The following ARID1B variants were observed in gnomAD, a reference collection of about 807,000 sequenced individuals.
ARID1B encodes AT-rich interaction domain 1B.
ARID1B carries 30 observed loss-of-function variants against 212.3 expected under a neutral mutation model. The ratio of observed to expected loss-of-function variants is 0.14; its 90% CI spans 0.11 to 0.19. The LOEUF is 0.19. ARID1B is among the 10% of genes least tolerant of loss of function. ARID1B has a pLI of 1.00. For missense variants in ARID1B, 2,891 were observed against 3,204.0 expected, an observed-to-expected ratio of 0.90 and a Z score of 2.36; for synonymous variants, 1,402 against 1,301.7, an observed-to-expected ratio of 1.08 and a Z score of -1.66.
chr6:156,848,619 C>A (rs995741030), intron 2 of ARID1B, among the ~76,000 whole-genome samples: 1 of 152,204 alleles, frequency 6.6e-6, no homozygotes, highest in Non-Finnish European at 1.5e-5. Flanking sequence ...GGTTGTTATT[C>A]TTCTCTGTGC....
intron 3 of ARID1B, among the ~76,000 whole-genome samples, chr6:156,925,015 A>T (rs1397240096): frequency 6.6e-6 from 1 of 152,182 alleles, no homozygotes; most frequent in Admixed American, 6.5e-5. Flanking sequence ...TTTAGGAAGA[A>T]GTCTTATGAA....
At chr6:157,065,265 T>A (rs1783597067) in intron 4 of ARID1B, among the ~76,000 whole-genome samples, 1 of 152,228 alleles carries the variant, frequency 6.6e-6, no homozygotes, top group Non-Finnish European at 1.5e-5. Flanking sequence ...GTGATACTAC[T>A]GAAGATAGTA....
intron 4 of ARID1B, among the ~76,000 whole-genome samples, chr6:157,048,932 G>A (rs943427713): frequency 2.6e-5 from 4 of 152,106 alleles, no homozygotes; most frequent in African/African-American, 9.7e-5. Context: ...CCAGCACTTT[G>A]GGAGACTGAG....
Position 156,984,418 on chromosome 6 carries a change from A to G in ARID1B, c.2247+48842A>G, listed in dbSNP as rs116808685. On this transcript the variant is annotated intron_variant, in intron 4 of 19. Coordinates refer to ENST00000636930, the MANE Select transcript of ARID1B (RefSeq NM_001374828.1). ...TCTTTTAAGGTACCAGAATACTGGGAAAAAAAGGGCGTTCTGGATAAGTGA... is the reference window on the plus strand; with the variant it reads ...TCTTTTAAGGTACCAGAATACTGGGGAAAAAAGGGCGTTCTGGATAAGTGA... Among the ~76,000 whole-genome samples, 754 of 152,236 alleles carry G rather than the reference A, an allele frequency of 5.0e-3. 7 individuals are homozygous for G. The highest frequency in any genetic ancestry group is 0.016 in the African/African-American group (656 of 41,538).
At chr6:156,873,136 G>A (rs2128149380) in intron 2 of ARID1B, among the ~76,000 whole-genome samples, 1 of 152,304 alleles carries the variant, frequency 6.6e-6, no homozygotes, top group Non-Finnish European at 1.5e-5. Flanking sequence ...TCTGCTCCTG[G>A]CACCTTGCAT....
rs1004295523 is a variant in ARID1B at position 156,837,700 on chromosome 6, A to G, written c.1986+8279A>G. Among the ~76,000 whole-genome samples the G allele has an allele frequency of 7.9e-5, 12 of 152,328 alleles. No individual in the cohort carries two copies. The South Asian group carries it at 1.4e-3, about 18-fold the overall frequency. ...ATCTGTAGTTGTGAATGAAATTAAG[A>G]AAACTCTTAAGCTGAGAGGGTGCAG... On this transcript the variant is annotated intron_variant, in intron 2 of 19. Coordinates refer to ENST00000636930, the MANE Select transcript of ARID1B (RefSeq NM_001374828.1).
chr6:157,006,163 G>A (rs1779242337), intron 4 of ARID1B, among the ~76,000 whole-genome samples: 1 of 152,140 alleles, frequency 6.6e-6, no homozygotes, highest in African/African-American at 2.4e-5. Context: ...TTACCTCAGG[G>A]AACTAAGATC....
chr6:156,875,599 C>T (rs1013609043), intron 2 of ARID1B, among the ~76,000 whole-genome samples: 1 of 152,200 alleles, frequency 6.6e-6, no homozygotes, highest in Non-Finnish European at 1.5e-5. Flanking sequence ...TTCTCCCTGC[C>T]AGCTTCTCCT....
chr6:156,851,375 G>T (rs558411037), intron 2 of ARID1B, among the ~76,000 whole-genome samples: 2 of 152,174 alleles, frequency 1.3e-5, no homozygotes, highest in Non-Finnish European at 2.9e-5. Context: ...ATGTTTAATT[G>T]TATATTTAGG....
In ARID1B at chr6:157,201,559, T is replaced by C. The variant is rs752549263; in HGVS notation, c.5263+71T>C. On this transcript the variant is annotated intron_variant, in intron 18 of 19. Coordinates refer to ENST00000636930, the MANE Select transcript of ARID1B (RefSeq NM_001374828.1). The surrounding 1 kb of genome is among the most constrained non-coding windows in gnomAD (Gnocchi z 5.2). ...TGTAGAATTTTAATTTTAGTAAAGA[T>C]GCTGTTCCTGCTCATCTTAAAGGGA... is the stretch of plus-strand genomic sequence containing the variant. 24 of 1,446,832 alleles carry C rather than the reference T, an allele frequency of 1.7e-5. No individual in the cohort carries two copies. Among genetic ancestry groups the C allele is most frequent in the Non-Finnish European group, 2.2e-5 (24 of 1,089,598 alleles). 89.6% of individuals were successfully genotyped at this position (1,446,832 alleles called of 1,614,324 possible).
intron 1 of ARID1B, among the ~76,000 whole-genome samples, chr6:156,799,829 T>G (rs1233499029): frequency 6.6e-6 from 1 of 152,164 alleles, no homozygotes; most frequent in Non-Finnish European, 1.5e-5. Flanking sequence ...TGAAAGATCT[T>G]CCTTTCCCTC....
chr6:156,800,776 G>A (rs920198761), intron 1 of ARID1B, among the ~76,000 whole-genome samples: 1 of 151,992 alleles, frequency 6.6e-6, no homozygotes, highest in East Asian at 1.9e-4. Context: ...GCATGGTGGT[G>A]TGTGCCTGTA....
At chr6:156,816,050 A>G (rs924318725) in intron 1 of ARID1B, among the ~76,000 whole-genome samples, 1 of 152,202 alleles carries the variant, frequency 6.6e-6, no homozygotes, top group Admixed American at 6.5e-5. Context: ...ATACACATTT[A>G]CCATTCTTAA....
intron 8 of ARID1B, among the ~76,000 whole-genome samples, chr6:157,165,332 C>T (rs1319691336): frequency 6.6e-6 from 1 of 152,152 alleles, no homozygotes; most frequent in East Asian, 1.9e-4. Context: ...TCTCCCTGAG[C>T]CACCCTCATA....
intron 8 of ARID1B, among the ~76,000 whole-genome samples, chr6:157,165,761 G>A (rs1791282853): frequency 6.6e-6 from 1 of 152,158 alleles, no homozygotes; most frequent in Non-Finnish European, 1.5e-5. Flanking sequence ...AGGCGGGAGA[G>A]TCGCTTGAGC....
intron 4 of ARID1B, among the ~76,000 whole-genome samples, chr6:157,055,236 G>A (rs1283832544): frequency 6.6e-6 from 1 of 152,194 alleles, no homozygotes; most frequent in Non-Finnish European, 1.5e-5. Flanking sequence ...ATAATATGCT[G>A]CTATAGAAAA....
chr6:157,154,272 C>T (rs1431282662), intron 8 of ARID1B, among the ~76,000 whole-genome samples: 1 of 152,190 alleles, frequency 6.6e-6, no homozygotes, highest in Non-Finnish European at 1.5e-5. Flanking sequence ...GCCTGCTACC[C>T]TAGCACCTCA....
At chr6:157,055,141 G>T (rs1348584100) in intron 4 of ARID1B, among the ~76,000 whole-genome samples, 1 of 152,254 alleles carries the variant, frequency 6.6e-6, no homozygotes, top group Non-Finnish European at 1.5e-5. Context: ...AGTGCCTGCT[G>T]TGTGGATAAG....
intron 1 of ARID1B, among the ~76,000 whole-genome samples, chr6:156,786,946 C>CTTTTT (rs373597720): frequency 7.8e-6 from 1 of 128,904 alleles, no homozygotes; most frequent in South Asian, 2.6e-4. Context: ...ATTTGGCCTG[C>CTTTTT]TTTTTTTTTT....
Sources: allele counts gnomAD v4.1 joint callset (sites outside exome capture counted in the v4.1 genomes callset), GRCh38; gene constraint gnomAD v4.1.1; non-coding constraint Gnocchi (gnomAD v3.1); transcripts MANE v1.5; gene names NCBI Gene and HGNC (gene_info 2026-07-23, HGNC 2026-07-21).